Variants in B3GLCT observed in about 807,000 individuals in gnomAD.
B3GLCT encodes beta 3-glucosyltransferase, also known as beta-1,3-glucosyltransferase.
A neutral mutation model predicts 63.4 loss-of-function variants in B3GLCT; 65 were observed. The ratio of observed to expected loss-of-function variants is 1.03; its 90% CI spans 0.84 to 1.26. The LOEUF (loss-of-function observed/expected upper bound fraction) is 1.26. Ranked by LOEUF, B3GLCT falls within the 50% of genes most tolerant of loss-of-function variation. The probability of loss-of-function intolerance (pLI) is 0.00; values close to 1 mark genes in which losing one functional copy is unlikely to be tolerated. For synonymous variants in B3GLCT, 233 were observed against 219.2 expected (o/e 1.06, Z -0.55); for missense variants, 577 against 604.8 (o/e 0.95, Z 0.48).
At chr13:31,283,604 T>TTAA (rs80069278) in intron 10 of B3GLCT, among the ~76,000 whole-genome samples, 91 of 150,688 alleles carry the variant, frequency 6.0e-4, no homozygotes, top group African/African-American at 8.7e-4. Flanking sequence ...TCAGTTTTTT[T>TTAA]AAAAAAAAAG....
chr13:31,234,918 C>T (rs1169288150), intron 4 of B3GLCT, among the ~76,000 whole-genome samples: 1 of 152,084 alleles, frequency 6.6e-6, no homozygotes, highest in Non-Finnish European at 1.5e-5. Context: ...CCCCTGGTGG[C>T]CTTAGGGAGA....
intron 4 of B3GLCT, among the ~76,000 whole-genome samples, chr13:31,240,288 A>G (rs549473398): frequency 6.6e-6 from 1 of 152,164 alleles, no homozygotes; most frequent in Admixed American, 6.5e-5. Flanking sequence ...CACCTGAACT[A>G]TGTAGCTTTT....
intron 12 of B3GLCT, among the ~76,000 whole-genome samples, chr13:31,316,041 G>A (rs1250191821): frequency 6.6e-6 from 1 of 152,174 alleles, no homozygotes; most frequent in East Asian, 1.9e-4. Flanking sequence ...AGAATGTACG[G>A]AAATACCTGG....
chr13:31,284,237 T>G (rs1466563972), intron 10 of B3GLCT, among the ~76,000 whole-genome samples: 1 of 152,184 alleles, frequency 6.6e-6, no homozygotes. Flanking sequence ...GTAGTTCTGT[T>G]AGAATCTTTG....
chr13:31,266,246 C>T (rs1872313087), intron 7 of B3GLCT, among the ~76,000 whole-genome samples: 1 of 151,980 alleles, frequency 6.6e-6, no homozygotes, highest in African/African-American at 2.4e-5. Context: ...GTTTTGCCCG[C>T]CTTGGCCTCC....
At chr13:31,225,472 C>G (rs1256512317) in intron 3 of B3GLCT, among the ~76,000 whole-genome samples, 2 of 152,154 alleles carry the variant, frequency 1.3e-5, no homozygotes, top group African/African-American at 4.8e-5. Flanking sequence ...CTATAAAGAA[C>G]AGCAGGAATT....
intron 4 of B3GLCT, among the ~76,000 whole-genome samples, chr13:31,239,079 AGGTCTGCTTTTGG>A (rs920143270): frequency 6.6e-6 from 1 of 152,218 alleles, no homozygotes; most frequent in Non-Finnish European, 1.5e-5. Context: ...AATTGCCAGA[AGGTCTGCTTTTGG>A]GATGCCAAGT....
intron 14 of B3GLCT, among the ~76,000 whole-genome samples, chr13:31,324,305 G>C (rs927978936): frequency 2.8e-4 from 43 of 152,120 alleles, no homozygotes; most frequent in African/African-American, 1.0e-3. Flanking sequence ...CAGTTTTTAC[G>C]CTATCTGTCT....
chr13:31,213,125 T>C (rs1479039623), intron 1 of B3GLCT, among the ~76,000 whole-genome samples: 1 of 152,132 alleles, frequency 6.6e-6, no homozygotes, highest in Non-Finnish European at 1.5e-5. Flanking sequence ...ACTAAACGTC[T>C]TTGTTCTACT....
At chr13:31,203,795 C>T (rs989994742) in intron 1 of B3GLCT, among the ~76,000 whole-genome samples, 3 of 152,190 alleles carry the variant, frequency 2.0e-5, no homozygotes, top group Admixed American at 6.5e-5. Flanking sequence ...AAGGGTTCAT[C>T]AGACCTATTG....
intron 12 of B3GLCT, among the ~76,000 whole-genome samples, chr13:31,292,280 T>G (rs1873704138): frequency 6.6e-6 from 1 of 152,184 alleles, no homozygotes; most frequent in Admixed American, 6.5e-5. Context: ...ATTTTTTTTC[T>G]TGTGTCTCTG....
chr13:31,284,629 A>G lies in B3GLCT; in HGVS notation c.851-19A>G, dbSNP rs1392585562. 5.9e-6 allele frequency: 8 copies of G among 1,349,852 alleles called. No individual in the cohort carries two copies. Among genetic ancestry groups the G allele is most frequent in the Admixed American group, 1.7e-5 (1 of 59,644 alleles). 83.6% of individuals were successfully genotyped at this position (1,349,852 alleles called of 1,614,324 possible). On this transcript the variant is annotated intron_variant, in intron 10 of 14. Transcript: ENST00000343307. ...TTGTGTAACTGTGCCAGTGATTGTC[A>G]CCTCTGTAATTTTTTCAGTACCTAT...
In B3GLCT at chr13:31,219,089, C is replaced by T. The variant is rs565921560; in HGVS notation, c.121-3863C>T. 4.6e-5 allele frequency among the ~76,000 whole-genome samples: 7 copies of T among 152,268 alleles called. No individual in the cohort carries two copies. The South Asian group carries it at 6.2e-4, about 14-fold the overall frequency. The stretch of plus-strand genomic sequence containing the variant: ...GAGGAAGAGGGACTGCTCCCTAACT[C>T]ATTCTGTGAGGCCAGTATCATTCTG... On this transcript the variant is annotated intron_variant, in intron 2 of 14. Transcript: ENST00000343307.
intron 11 of B3GLCT, among the ~76,000 whole-genome samples, chr13:31,285,937 G>A (rs551759469): frequency 5.9e-5 from 9 of 151,522 alleles, no homozygotes; most frequent in East Asian, 1.9e-4. Flanking sequence ...TTTGAAACAC[G>A]TATTGTAATG....
chr13:31,214,819 T>G (rs886708299), intron 1 of B3GLCT, among the ~76,000 whole-genome samples: 3 of 152,272 alleles, frequency 2.0e-5, no homozygotes, highest in Non-Finnish European at 4.4e-5. Context: ...TCTGATGTAC[T>G]GTTTCTTTTG....
chr13:31,317,110 G>A lies in B3GLCT; in HGVS notation c.1065-456G>A, dbSNP rs541048804. On this transcript the variant is annotated intron_variant, in intron 12 of 14. Transcript: ENST00000343307. ...CCAGCCAGGGGCCCAACATGCATTT[G>A]CATCTCAGTGGCTCCTTTTTAGGCC... Among the ~76,000 whole-genome samples, 6 of 152,310 alleles carry A rather than the reference G, an allele frequency of 3.9e-5. No individual in the cohort carries two copies. In the South Asian group the frequency reaches 8.3e-4, roughly 21 times the overall value.
chr13:31,226,384 G>C (rs2137765601), intron 3 of B3GLCT, among the ~76,000 whole-genome samples: 1 of 152,326 alleles, frequency 6.6e-6, no homozygotes, highest in South Asian at 2.1e-4. Flanking sequence ...AGGCCAGCAT[G>C]ATTTCTTAGT....
chr13:31,257,178 A>G (rs1477188370), intron 6 of B3GLCT, among the ~76,000 whole-genome samples: 1 of 152,202 alleles, frequency 6.6e-6, no homozygotes, highest in Non-Finnish European at 1.5e-5. Context: ...CATGTTTTCC[A>G]TAAAACTGTA....
At chr13:31,329,393 AAT>A in intron 14 of B3GLCT, 106 bp from the exon 15 acceptor site, 1 of 1,243,488 alleles carries the variant, frequency 8.0e-7, no homozygotes, top group Non-Finnish European at 1.2e-6. Context: ...TCCTATAGCC[AAT>A]GTTAGGTAGT....
Sources: allele counts gnomAD v4.1 joint callset (sites outside exome capture counted in the v4.1 genomes callset), GRCh38; gene constraint gnomAD v4.1.1; transcripts MANE v1.5; gene names NCBI Gene and HGNC (gene_info 2026-07-23, HGNC 2026-07-21).